The following DAPK1 variants were observed in gnomAD, a reference collection of about 807,000 sequenced individuals.
DAPK1 encodes the protein death associated protein kinase 1, also known as death-associated protein kinase 1.
DAPK1 carries 56 observed loss-of-function variants against 144.9 expected under a neutral mutation model. The observed-to-expected ratio is 0.39, with a 90% confidence interval of 0.31 to 0.48. The LOEUF (loss-of-function observed/expected upper bound fraction) is 0.48, where lower values mean the gene tolerates loss of function less well. DAPK1 is among the 20% of genes least tolerant of loss of function. The probability of loss-of-function intolerance (pLI) is 0.95; values close to 1 mark genes in which losing one functional copy is unlikely to be tolerated. For missense variants in DAPK1, 1,454 were observed against 1,875.4 expected, an observed-to-expected ratio of 0.78 and a Z score of 4.15; for synonymous variants, 690 against 749.0, an observed-to-expected ratio of 0.92 and a Z score of 1.29.
chr9:87,630,735 A>G (rs953167710), intron 3 of DAPK1, among the ~76,000 whole-genome samples: 1 of 152,234 alleles, frequency 6.6e-6, no homozygotes, highest in Non-Finnish European at 1.5e-5. Context: ...CCACATCTGC[A>G]CACAGATCGG....
intron 2 of DAPK1, among the ~76,000 whole-genome samples, chr9:87,521,094 G>T (rs36229907): frequency 6.6e-6 from 1 of 152,164 alleles, no homozygotes; most frequent in Non-Finnish European, 1.5e-5. Context: ...TACAAATTAT[G>T]TTCCTTAAGC....
At chr9:87,550,572 C>T (rs1252844044) in intron 2 of DAPK1, among the ~76,000 whole-genome samples, 1 of 152,266 alleles carries the variant, frequency 6.6e-6, no homozygotes, top group Non-Finnish European at 1.5e-5. Flanking sequence ...TAAGGACACC[C>T]ATCATATTGA....
intron 2 of DAPK1, among the ~76,000 whole-genome samples, chr9:87,501,373 T>A (rs890210341): frequency 1.3e-5 from 2 of 152,124 alleles, no homozygotes; most frequent in African/African-American, 4.8e-5. Context: ...ACAAAAAAAA[T>A]TATCTAAGAT....
intron 21 of DAPK1, among the ~76,000 whole-genome samples, chr9:87,688,123 A>G (rs1459675111): frequency 1.6e-5 from 2 of 127,584 alleles, no homozygotes; most frequent in East Asian, 2.2e-4. Context: ...CCCAGTTACT[A>G]TTGTTGCCAT....
At chr9:87,525,343 C>G in intron 2 of DAPK1, 1 of 1,610,988 alleles carries the variant, frequency 6.2e-7, no homozygotes, top group Admixed American at 1.7e-5. Flanking sequence ...CGCGAAAATT[C>G]GGCCAGGGTT....
chr9:87,564,925 G>A (rs550784409), intron 2 of DAPK1, among the ~76,000 whole-genome samples: 1 of 152,200 alleles, frequency 6.6e-6, no homozygotes, highest in Non-Finnish European at 1.5e-5. Flanking sequence ...AAAGACTCTT[G>A]GATTTCTGAA....
At chr9:87,559,756 C>T (rs370960159) in intron 2 of DAPK1, among the ~76,000 whole-genome samples, 2 of 152,172 alleles carry the variant, frequency 1.3e-5, no homozygotes, top group East Asian at 3.9e-4. Context: ...AGTGAGCAGG[C>T]GAATGTCTAC....
At chr9:87,575,213 C>CATTAA (rs1195509670) in intron 2 of DAPK1, among the ~76,000 whole-genome samples, 1 of 131,316 alleles carries the variant, frequency 7.6e-6, no homozygotes, top group African/African-American at 2.8e-5. Context: ...GACTCCATCT[C>CATTAA]AATAAAATAA....
intron 3 of DAPK1, among the ~76,000 whole-genome samples, chr9:87,605,809 C>T (rs933251324): frequency 6.6e-6 from 1 of 152,186 alleles, no homozygotes; most frequent in Non-Finnish European, 1.5e-5. Context: ...CCCTCTCCCA[C>T]CCCTCCAGTC....
chr9:87,705,469 G>A (rs887356808), intron 25 of DAPK1, among the ~76,000 whole-genome samples: 103 of 152,044 alleles, frequency 6.8e-4, no homozygotes, highest in African/African-American at 2.4e-3. Context: ...TGATCCACCC[G>A]CCTCGGCCTC....
At chr9:87,560,471 G>T (rs74534436) in intron 2 of DAPK1, among the ~76,000 whole-genome samples, 2 of 151,926 alleles carry the variant, frequency 1.3e-5, no homozygotes, top group South Asian at 2.1e-4. Context: ...CTGAAATTTC[G>T]TGCCTACTAA....
chr9:87,698,826 G>A (rs377284154), intron 23 of DAPK1, 32 bp downstream of exon 23: 44 of 1,440,872 alleles, frequency 3.1e-5, no homozygotes, highest in African/African-American at 1.9e-4. Context: ...TCCAGCTCAC[G>A]GGTAGCCTCC....
rs771063869 is a variant in DAPK1, at chr9:87,647,413, C to T, written c.1329+10C>T. 1 of 1,610,876 alleles carries T rather than the reference C, an allele frequency of 6.2e-7. No homozygotes were observed. Among genetic ancestry groups the T allele is most frequent in the Non-Finnish European group, 8.5e-7 (1 of 1,177,106 alleles). ...GGATGTGAAAGACAAGGTAAGGCCA[C>T]TTCTCTTAGGAGGAACATGAGGTGG... On this transcript the variant is annotated intron_variant, in intron 14 of 25. Coordinates refer to ENST00000408954, the MANE Select transcript of DAPK1 (RefSeq NM_004938.4).
At position 87,650,067 on chromosome 9, in the gene DAPK1, C is replaced by G; in HGVS notation, c.1575C>G (p.Asp525Glu). 10 of 1,614,104 alleles carry G rather than the reference C, an allele frequency of 6.2e-6. No individual in the cohort carries two copies. The highest frequency in any genetic ancestry group is 8.5e-6 in the Non-Finnish European group (10 of 1,180,034). ...CAGCCTCTGCCAGGGGCTACCACGA[C>G]ATCGTGGAGTGTCTGGCCGAACATG... Reference protein sequence around the residue: ...LLTASARGYHDIVECLAEHGA... With the variant: ...LLTASARGYHEIVECLAEHGA... The change falls in exon 16 of 26, where the codon GAC becomes GAG. Residue 525 changes from aspartate (D) to glutamate (E), a missense_variant. Asp to Glu is a conservative substitution (Grantham distance 45, BLOSUM62 2). Coordinates refer to ENST00000408954, the MANE Select transcript of DAPK1 (RefSeq NM_004938.4).
At chr9:87,672,869 A>G (rs976805624) in intron 19 of DAPK1, among the ~76,000 whole-genome samples, 12 of 152,256 alleles carry the variant, frequency 7.9e-5, no homozygotes, top group African/African-American at 2.6e-4. Context: ...AGAAGCAGGC[A>G]ATGCCTGTGG....
intron 19 of DAPK1, among the ~76,000 whole-genome samples, chr9:87,671,874 G>A (rs1824173969): frequency 6.6e-6 from 1 of 152,150 alleles, no homozygotes; most frequent in Admixed American, 6.5e-5. Flanking sequence ...CCAGAGTCCA[G>A]TGAAAAGTCC....
In DAPK1 at chr9:87,657,916, C is replaced by T. The variant is rs558839868; in HGVS notation, c.1825-113C>T. On this transcript the variant is annotated intron_variant, in intron 17 of 25. Coordinates refer to ENST00000408954, the MANE Select transcript of DAPK1 (RefSeq NM_004938.4). ...AAGTTTCAGGAGAAGGGAGATGGCT[C>T]CTTCCTCCTTTCTGGTGGGCCCTGA... 41 of 707,636 alleles carry T rather than the reference C, an allele frequency of 5.8e-5. No homozygotes were observed. In the African/African-American group the frequency reaches 6.5e-4, roughly 11 times the overall value. 43.8% of individuals were successfully genotyped at this position (707,636 alleles called of 1,614,324 possible). A position where few individuals can be genotyped will look rare whatever the true frequency, so the allele number is the denominator to read the frequency against.
chr9:87,539,949 G>T (rs1030792371), intron 2 of DAPK1, among the ~76,000 whole-genome samples: 2 of 152,126 alleles, frequency 1.3e-5, no homozygotes, highest in South Asian at 4.2e-4. Flanking sequence ...CCCAAAGCCC[G>T]AGAGTAGTGA....
At chr9:87,689,656 T>C (rs60978615) in intron 21 of DAPK1, among the ~76,000 whole-genome samples, 10,105 of 152,212 alleles carry the variant, frequency 0.066, 871 homozygotes, top group African/African-American at 0.19. Flanking sequence ...TTTAAGTCTT[T>C]AATCCATCTT....
Sources: allele counts gnomAD v4.1 joint callset (sites outside exome capture counted in the v4.1 genomes callset), GRCh38; gene constraint gnomAD v4.1.1; transcripts MANE v1.5; gene names NCBI Gene and HGNC (gene_info 2026-07-23, HGNC 2026-07-21).